Variants in CPEB3 observed in about 807,000 individuals in gnomAD.
CPEB3 encodes the protein cytoplasmic polyadenylation element-binding protein 3.
CPEB3 carries 20 observed loss-of-function variants against 67.2 expected under a neutral mutation model. That is an observed-to-expected ratio of 0.30 (90% CI 0.21 to 0.43). The LOEUF (loss-of-function observed/expected upper bound fraction) is 0.43. CPEB3 is among the 20% of genes least tolerant of loss of function. The pLI is 1.00. For synonymous variants in CPEB3, 376 were observed against 393.1 expected (o/e 0.96, Z 0.51); for missense variants, 746 against 968.6 (o/e 0.77, Z 3.05).
chr10:92,167,688 C>G (rs1434146618), intron 4 of CPEB3, among the ~76,000 whole-genome samples: 1 of 152,166 alleles, frequency 6.6e-6, no homozygotes, highest in Non-Finnish European at 1.5e-5. Flanking sequence ...AGGTGAATCA[C>G]CTGAGGTCAG....
intron 2 of CPEB3, among the ~76,000 whole-genome samples, chr10:92,226,152 C>A (rs1850964115): frequency 6.6e-6 from 1 of 152,086 alleles, no homozygotes; most frequent in Non-Finnish European, 1.5e-5. Flanking sequence ...GTGTTTTTTC[C>A]CTCTCAAGTT....
chr10:92,146,291 C>A (rs1846677101), intron 4 of CPEB3, among the ~76,000 whole-genome samples: 1 of 152,018 alleles, frequency 6.6e-6, no homozygotes, highest in South Asian at 2.1e-4. Context: ...AAAATAAAAT[C>A]TAAATTTAAA....
At position 92,239,736 on chromosome 10, in the gene CPEB3, G is replaced by A. The variant is rs987623986; in HGVS notation, c.615C>T (p.Ser205=). 16 of 1,504,714 alleles carry A rather than the reference G, an allele frequency of 1.1e-5. No homozygotes were observed. The highest frequency in any genetic ancestry group is 1.3e-5 in the Non-Finnish European group (15 of 1,133,600). 93.2% of individuals were successfully genotyped at this position (1,504,714 alleles called of 1,614,324 possible). The stretch of plus-strand genomic sequence containing the variant: ...GCTGGTGGCCGTACGCCGCGGCGGC[G>A]CTCCTCTGCGCGTAGGGCGCCTGGC... The part of the protein sequence containing the change: ...SPSQAPYAQR[S]AAAAYGHQPI... The change falls in exon 2 of 10, where the codon AGC becomes AGT. Residue 205 remains serine (S), a synonymous_variant. Transcript: ENST00000265997. The surrounding 1 kb of genome is among the most constrained non-coding windows in gnomAD (Gnocchi z 6.0).
intron 1 of CPEB3, among the ~76,000 whole-genome samples, chr10:92,270,993 A>G (rs537964391): frequency 1.7e-4 from 26 of 152,282 alleles, no homozygotes; most frequent in African/African-American, 6.3e-4. Context: ...CCTAGTCAAC[A>G]TGGTGAAACC....
intron 7 of CPEB3, 65 bp downstream of exon 7, chr10:92,111,011 G>C: frequency 9.1e-7 from 1 of 1,095,140 alleles, no homozygotes; most frequent in Non-Finnish European, 1.4e-6. Context: ...ATCAGAAAGA[G>C]GAGGTCAGCT....
intron 1 of CPEB3, among the ~76,000 whole-genome samples, chr10:92,268,308 C>T (rs1334423308): frequency 6.6e-6 from 1 of 151,986 alleles, no homozygotes; most frequent in African/African-American, 2.4e-5. Context: ...CCTTCTTCAC[C>T]TAAATGCATG....
At chr10:92,067,594 G>A (rs1341136600) in intron 9 of CPEB3, among the ~76,000 whole-genome samples, 6 of 152,034 alleles carry the variant, frequency 3.9e-5, no homozygotes, top group African/African-American at 7.2e-5. Context: ...CGAGGCAGGC[G>A]GATCACCTGA....
At chr10:92,222,957 T>C (rs929835461) in intron 2 of CPEB3, among the ~76,000 whole-genome samples, 3 of 152,232 alleles carry the variant, frequency 2.0e-5, no homozygotes, top group African/African-American at 7.2e-5. Flanking sequence ...CTGGCTAATA[T>C]AATAACATGC....
chr10:92,231,789 G>A (rs1299410200), intron 2 of CPEB3, among the ~76,000 whole-genome samples: 1 of 151,680 alleles, frequency 6.6e-6, no homozygotes, highest in Non-Finnish European at 1.5e-5. Context: ...GCGCGATCTC[G>A]GCTCACTGCA....
intron 6 of CPEB3, among the ~76,000 whole-genome samples, chr10:92,116,301 C>T (rs1220228371): frequency 6.6e-6 from 1 of 150,648 alleles, no homozygotes; most frequent in African/African-American, 2.4e-5. Context: ...TTCTATTTTG[C>T]ATTTGCAAGC....
At chr10:92,265,485 G>A (rs1170877579) in intron 1 of CPEB3, among the ~76,000 whole-genome samples, 10 of 151,936 alleles carry the variant, frequency 6.6e-5, no homozygotes, top group African/African-American at 1.7e-4. Context: ...GGGCGGGCAC[G>A]GTGGCTCATG....
At chr10:92,152,289 T>C (rs1847001051) in intron 4 of CPEB3, among the ~76,000 whole-genome samples, 1 of 152,244 alleles carries the variant, frequency 6.6e-6, no homozygotes. Context: ...CAGTCACTCT[T>C]GGTTTTCCCC....
chr10:92,182,725 C>G (rs2134099279), intron 3 of CPEB3, among the ~76,000 whole-genome samples: 1 of 150,680 alleles, frequency 6.6e-6, no homozygotes, highest in Non-Finnish European at 1.5e-5. Flanking sequence ...ACTTGGGAGG[C>G]TGAGGCAGGA....
chr10:92,279,796 A>AC (rs1325768898), intron 1 of CPEB3, among the ~76,000 whole-genome samples: 1 of 152,052 alleles, frequency 6.6e-6, no homozygotes, highest in Non-Finnish European at 1.5e-5. Flanking sequence ...GATCTCTTGA[A>AC]CCCAGGAGTT....
At chr10:92,132,594 T>C (rs1195474031) in intron 6 of CPEB3, among the ~76,000 whole-genome samples, 1 of 151,864 alleles carries the variant, frequency 6.6e-6, no homozygotes, top group African/African-American at 2.4e-5. Flanking sequence ...AAAAAGTAAA[T>C]GACAAATGGG....
chr10:92,190,391 C>T (rs1188411568), intron 3 of CPEB3, among the ~76,000 whole-genome samples: 7 of 151,896 alleles, frequency 4.6e-5, no homozygotes, highest in African/African-American at 1.7e-4. Flanking sequence ...GGAGGCTGGG[C>T]GCAGTGGCTC....
chr10:92,265,965 T>A (rs545426658), intron 1 of CPEB3, among the ~76,000 whole-genome samples: 2 of 151,834 alleles, frequency 1.3e-5, no homozygotes, highest in Non-Finnish European at 2.9e-5. Flanking sequence ...CATGGATTAA[T>A]GGGTTAATGA....
At chr10:92,107,539 G>A (rs1231997750) in intron 7 of CPEB3, among the ~76,000 whole-genome samples, 1 of 152,130 alleles carries the variant, frequency 6.6e-6, no homozygotes, top group African/African-American at 2.4e-5. Context: ...CTATTAGCTT[G>A]CTGTCTTGAA....
chr10:92,248,155 TG>T lies in CPEB3; in HGVS notation c.-11-7795del, dbSNP rs1227573669. On this transcript the variant is annotated intron_variant, in intron 1 of 9. Transcript: ENST00000265997. Reference sequence around the variant, plus strand: ...GCTCAAGTAAGTTCCTTATGTAAAATGGCATAGTATTTGCATACAACCTATG... The same window carrying T: ...GCTCAAGTAAGTTCCTTATGTAAAATGCATAGTATTTGCATACAACCTATG... 2.6e-5 allele frequency among the ~76,000 whole-genome samples: 4 copies of T among 152,326 alleles called. No individual in the cohort carries two copies. In the East Asian group the frequency reaches 7.7e-4, roughly 29 times the overall value.
Sources: allele counts gnomAD v4.1 joint callset (sites outside exome capture counted in the v4.1 genomes callset), GRCh38; gene constraint gnomAD v4.1.1; non-coding constraint Gnocchi (gnomAD v3.1); transcripts MANE v1.5; gene names NCBI Gene and HGNC (gene_info 2026-07-23, HGNC 2026-07-21).